Variants in RSRC1 observed in about 807,000 individuals in gnomAD.
The protein encoded by RSRC1 is serine/Arginine-related protein 53.
A neutral mutation model predicts 49.1 loss-of-function variants in RSRC1; 39 were observed. The ratio of observed to expected loss-of-function variants is 0.79; its 90% confidence interval spans 0.61 to 1.04. The LOEUF (loss-of-function observed/expected upper bound fraction) is 1.04. Among genes scored for constraint, RSRC1 ranks in the 50% least tolerant of loss-of-function variants. RSRC1 has a pLI of 0.00. For synonymous variants in RSRC1, 143 were observed against 130.8 expected (o/e 1.09, Z -0.63); for missense variants, 388 against 402.4 (o/e 0.96, Z 0.31).
At chr3:158,334,177 A>G (rs1411211819) in intron 5 of RSRC1, among the ~76,000 whole-genome samples, 1 of 152,170 alleles carries the variant, frequency 6.6e-6, no homozygotes, top group Non-Finnish European at 1.5e-5. Flanking sequence ...AAAACTATAT[A>G]AAGTTTATTT....
intron 6 of RSRC1, among the ~76,000 whole-genome samples, chr3:158,397,934 C>T (rs1387374368): frequency 2.6e-5 from 4 of 151,950 alleles, no homozygotes; most frequent in Non-Finnish European, 5.9e-5. Flanking sequence ...GTGGGAAGCT[C>T]AGAAATAATA....
At chr3:158,259,215 A>C (rs1283320136) in intron 4 of RSRC1, among the ~76,000 whole-genome samples, 1 of 151,976 alleles carries the variant, frequency 6.6e-6, no homozygotes, top group Non-Finnish European at 1.5e-5. Flanking sequence ...CTTCTTGGGG[A>C]GGCTTTCCGA....
intron 1 of RSRC1, among the ~76,000 whole-genome samples, chr3:158,116,226 C>G (rs1256543230): frequency 6.6e-6 from 1 of 152,148 alleles, no homozygotes; most frequent in African/African-American, 2.4e-5. Context: ...AATGAATACT[C>G]TTTTCCTTGA....
chr3:158,376,851 T>G (rs1301701930), intron 6 of RSRC1, among the ~76,000 whole-genome samples: 6 of 108,238 alleles, frequency 5.5e-5, no homozygotes, highest in Non-Finnish European at 1.2e-4. Context: ...TGATTTCAAT[T>G]CTTTTACATT....
At chr3:158,472,615 A>G (rs1738188011) in intron 7 of RSRC1, among the ~76,000 whole-genome samples, 1 of 152,138 alleles carries the variant, frequency 6.6e-6, no homozygotes, top group Non-Finnish European at 1.5e-5. Flanking sequence ...TGTAAATATA[A>G]AAGGATGACT....
chr3:158,406,147 T>G (rs1734153198), intron 6 of RSRC1, among the ~76,000 whole-genome samples: 1 of 152,152 alleles, frequency 6.6e-6, no homozygotes, highest in African/African-American at 2.4e-5. Context: ...CATTGAAATA[T>G]TATTGCCTAT....
At chr3:158,111,411 T>G (rs776473463) in intron 1 of RSRC1, among the ~76,000 whole-genome samples, 1 of 152,258 alleles carries the variant, frequency 6.6e-6, no homozygotes, top group Non-Finnish European at 1.5e-5. Flanking sequence ...AGGGGTGTTA[T>G]GAATTGGAAA....
intron 7 of RSRC1, among the ~76,000 whole-genome samples, chr3:158,498,041 A>G (rs977004604): frequency 6.6e-6 from 1 of 152,190 alleles, no homozygotes; most frequent in Non-Finnish European, 1.5e-5. Context: ...GTGTGCAAGT[A>G]TCTTTTTCAT....
chr3:158,544,114 T>C, intron 9 of RSRC1, 69 bp from the exon 10 acceptor site: 2 of 1,059,920 alleles, frequency 1.9e-6, no homozygotes, highest in Non-Finnish European at 2.9e-6. Flanking sequence ...AGGTGAGTTC[T>C]GTCATTTTAG....
chr3:158,371,521 T>C (rs1380612790), intron 6 of RSRC1, among the ~76,000 whole-genome samples: 3 of 151,956 alleles, frequency 2.0e-5, no homozygotes, highest in Non-Finnish European at 4.4e-5. Flanking sequence ...TGACTTAGCA[T>C]CATGCATTTG....
At chr3:158,254,227 C>A (rs973243878) in intron 4 of RSRC1, among the ~76,000 whole-genome samples, 1 of 152,110 alleles carries the variant, frequency 6.6e-6, no homozygotes, top group Non-Finnish European at 1.5e-5. Flanking sequence ...AATAAACATA[C>A]GTGTGCCTGT....
At chr3:158,184,774 A>G (rs1264215283) in intron 3 of RSRC1, among the ~76,000 whole-genome samples, 1 of 152,098 alleles carries the variant, frequency 6.6e-6, no homozygotes, top group East Asian at 1.9e-4. Flanking sequence ...GCTGTCAAGT[A>G]TCTTAAGTTT....
At chr3:158,413,585 A>G (rs146677826) in intron 6 of RSRC1, among the ~76,000 whole-genome samples, 2,468 of 152,144 alleles carry the variant, frequency 0.016, 63 homozygotes, top group African/African-American at 0.056. Flanking sequence ...TTTGCAATCT[A>G]TCCATCTGAC....
chr3:158,233,337 G>T (rs914476554), intron 4 of RSRC1, among the ~76,000 whole-genome samples: 4 of 152,054 alleles, frequency 2.6e-5, no homozygotes, highest in African/African-American at 9.7e-5. Context: ...TGGTGTCTTT[G>T]TGGTTACTCT....
chr3:158,319,545 A>T (rs191955142), intron 5 of RSRC1, among the ~76,000 whole-genome samples: 1 of 152,220 alleles, frequency 6.6e-6, no homozygotes, highest in East Asian at 1.9e-4. Flanking sequence ...AACACAATTT[A>T]AGCTCAGTGT....
intron 6 of RSRC1, among the ~76,000 whole-genome samples, chr3:158,362,632 A>C (rs1282917327): frequency 1.3e-5 from 2 of 152,228 alleles, no homozygotes; most frequent in Non-Finnish European, 2.9e-5. Context: ...ACAGCGCTTG[A>C]CAGAAAAGAC....
chr3:158,239,433 A>G (rs1241493148), intron 4 of RSRC1, among the ~76,000 whole-genome samples: 1 of 152,208 alleles, frequency 6.6e-6, no homozygotes, highest in East Asian at 1.9e-4. Flanking sequence ...ACTATTCACA[A>G]TAGCAAAGAC....
At chr3:158,511,783 T>C (rs1740195653) in intron 7 of RSRC1, among the ~76,000 whole-genome samples, 1 of 151,996 alleles carries the variant, frequency 6.6e-6, no homozygotes, top group African/African-American at 2.4e-5. Flanking sequence ...CTCCAGCACC[T>C]GTTGTTTCCT....
At chr3:158,242,441 C>A (rs1723648393) in intron 4 of RSRC1, among the ~76,000 whole-genome samples, 1 of 152,076 alleles carries the variant, frequency 6.6e-6, no homozygotes, top group South Asian at 2.1e-4. Context: ...TTTTCTTTAT[C>A]CAATCTATCA....
Sources: allele counts gnomAD v4.1 joint callset (sites outside exome capture counted in the v4.1 genomes callset), GRCh38; gene constraint gnomAD v4.1.1; transcripts MANE v1.5; gene names NCBI Gene and HGNC (gene_info 2026-07-23, HGNC 2026-07-21).